CTCF: variants seen among roughly 807,000 people sequenced by gnomAD.
CTCF encodes transcriptional repressor CTCF.
A neutral mutation model predicts 72.3 loss-of-function variants in CTCF; 7 were observed. The ratio of observed to expected loss-of-function variants is 0.10; its 90% confidence interval spans 0.06 to 0.18. CTCF has a LOEUF of 0.18. CTCF is among the 10% of genes least tolerant of loss of function. The probability of loss-of-function intolerance (pLI) is 1.00; values close to 1 mark genes in which losing one functional copy is unlikely to be tolerated. For synonymous variants in CTCF, 374 were observed against 315.8 expected (o/e 1.18, Z -1.95); for missense variants, 516 against 949.1 (o/e 0.54, Z 6.00).
At chr16:67,631,761 G>T (rs999970426) in intron 10 of CTCF, among the ~76,000 whole-genome samples, 4 of 133,622 alleles carry the variant, frequency 3.0e-5, no homozygotes, top group Non-Finnish European at 6.1e-5. Flanking sequence ...TGGGTGTTAA[G>T]TGTATGCCTC....
intron 2 of CTCF, among the ~76,000 whole-genome samples, chr16:67,594,083 G>T (rs1225536702): frequency 6.6e-6 from 1 of 152,100 alleles, no homozygotes; most frequent in Non-Finnish European, 1.5e-5. Context: ...ACCTGTAATT[G>T]TGTTTTTGGG....
chr16:67,601,114 C>T (rs991226787), intron 2 of CTCF, among the ~76,000 whole-genome samples: 6 of 151,916 alleles, frequency 3.9e-5, no homozygotes, highest in African/African-American at 1.5e-4. Context: ...GGGAGAATGA[C>T]CTGGTCCAGC....
chr16:67,621,463 A>T lies in CTCF; in HGVS notation c.1229A>T (p.Tyr410Phe). 1 of 1,606,984 alleles carries T rather than the reference A, an allele frequency of 6.2e-7. No homozygotes were observed. The highest frequency in any genetic ancestry group is 8.5e-7 in the Non-Finnish European group (1 of 1,173,808). The change falls in exon 7 of 12, where the codon TAT (tyrosine) becomes TTT (phenylalanine). Residue 410 changes from tyrosine to phenylalanine, a missense_variant. Tyr to Phe is a conservative substitution (Grantham distance 22). Transcript: ENST00000264010. ...AAAGGGGAAAAGCCTTATGAATGTT[A>T]TATTTGTCATGCTCGGTTTACCCAA... The part of the protein sequence containing the change: ...THSGEKPYEC[Y>F]ICHARFTQSG...
intron 10 of CTCF, among the ~76,000 whole-genome samples, chr16:67,632,810 C>T (rs2142878078): frequency 6.6e-6 from 1 of 152,332 alleles, no homozygotes; most frequent in South Asian, 2.1e-4. Flanking sequence ...ATTTCAGTCA[C>T]TTGAGAAATA....
chr16:67,607,570 T>C (rs900416057), intron 2 of CTCF, among the ~76,000 whole-genome samples: 6 of 151,610 alleles, frequency 4.0e-5, no homozygotes, highest in African/African-American at 1.2e-4. Context: ...CCTCCCAAAG[T>C]GCTGGGATTA....
chr16:67,620,469 C>T (rs1208978682), intron 5 of CTCF, among the ~76,000 whole-genome samples: 1 of 152,096 alleles, frequency 6.6e-6, no homozygotes, highest in East Asian at 1.9e-4. Context: ...CAAGTAATGA[C>T]CAATCTTGGC....
chr16:67,627,498 AAAAG>A (rs2052305837), intron 8 of CTCF: 1 of 150,730 alleles, frequency 6.6e-6, no homozygotes, highest in African/African-American at 2.4e-5. Flanking sequence ...CTCCAAAAGA[AAAAG>A]AAAAAATTAG....
intron 2 of CTCF, among the ~76,000 whole-genome samples, chr16:67,596,752 A>AT (rs1341646541): frequency 6.6e-6 from 1 of 151,480 alleles, no homozygotes; most frequent in Non-Finnish European, 1.5e-5. Context: ...TACCTGGCTA[A>AT]TTTTTTTGTA....
intron 10 of CTCF, among the ~76,000 whole-genome samples, chr16:67,633,781 GACACACACACACACACAC>G (rs10587869): frequency 7.0e-6 from 1 of 143,106 alleles, no homozygotes; most frequent in Non-Finnish European, 1.5e-5. Flanking sequence ...CTTGTCCCCT[GACACACACACACACACAC>G]ACACACACAC....
chr16:67,616,068 TAG>T (rs1056807046), intron 4 of CTCF: 5 of 152,218 alleles, frequency 3.3e-5, no homozygotes, highest in African/African-American at 7.2e-5. Context: ...ACAAGAAATG[TAG>T]AGAGTATATT....
intron 2 of CTCF, among the ~76,000 whole-genome samples, chr16:67,602,786 A>G (rs542800457): frequency 6.6e-6 from 1 of 150,986 alleles, no homozygotes; most frequent in East Asian, 1.9e-4. Context: ...GGTTGTGTTC[A>G]GCCGAGATTG....
intron 2 of CTCF, among the ~76,000 whole-genome samples, chr16:67,603,465 G>A (rs774245263): frequency 1.3e-5 from 2 of 151,426 alleles, no homozygotes. Context: ...CCCGGGAGGC[G>A]GAGCTTGCAG....
chr16:67,595,309 C>G (rs1051672647), intron 2 of CTCF, among the ~76,000 whole-genome samples: 1 of 152,194 alleles, frequency 6.6e-6, no homozygotes, highest in South Asian at 2.1e-4. Flanking sequence ...AGGTACAAAC[C>G]ACCATGTCTG....
At chr16:67,565,714 C>G (rs2051334454) in intron 1 of CTCF, among the ~76,000 whole-genome samples, 1 of 148,250 alleles carries the variant, frequency 6.7e-6, no homozygotes, top group Non-Finnish European at 1.5e-5. Context: ...TAAAGGTTAA[C>G]TTTATCGGGA....
chr16:67,600,718 G>A (rs1171344677), intron 2 of CTCF, among the ~76,000 whole-genome samples: 2 of 152,030 alleles, frequency 1.3e-5, no homozygotes, highest in South Asian at 4.1e-4. Context: ...ATATATAGAA[G>A]TGTATATAAA....
chr16:67,636,432 C>T (rs1214984170), intron 10 of CTCF, among the ~76,000 whole-genome samples: 5 of 148,766 alleles, frequency 3.4e-5, no homozygotes, highest in Non-Finnish European at 5.9e-5. Flanking sequence ...CCTGTAGTCC[C>T]GGCCACTCAG....
intron 2 of CTCF, among the ~76,000 whole-genome samples, chr16:67,582,350 C>T (rs2051594821): frequency 6.6e-6 from 1 of 151,886 alleles, no homozygotes; most frequent in Admixed American, 6.6e-5. Context: ...GACTTTTTGC[C>T]TCTAGTATGT....
In CTCF at chr16:67,629,503, C is replaced by G. The variant is rs775874494; in HGVS notation, c.1807C>G (p.Arg603Gly). The stretch of plus-strand genomic sequence containing the variant: ...TAAACGTGGAAGAAAAAGAAAGATG[C>G]GCTCTAAGAAAGAAGATTCCTCTGA... ...KSKRGRKRKM[R>G]SKKEDSSDSE... Residue 603 changes from arginine (R) to glycine (G), a missense_variant, in exon 10 of 12, where the codon CGC becomes GGC. By Grantham distance (125) the Arg-to-Gly change is moderately radical (BLOSUM62 -2). Around this residue, in one of 7 missense-constraint regions of CTCF, gnomAD observed 157 missense variants for 172.9 expected, o/e 0.91. Coordinates refer to ENST00000264010, the MANE Select transcript of CTCF (RefSeq NM_006565.4). 1 of 1,613,214 alleles carries G rather than the reference C, an allele frequency of 6.2e-7. No individual in the cohort carries two copies. The highest frequency in any genetic ancestry group is 2.2e-5 in the East Asian group (1 of 44,832).
chr16:67,565,403 G>A (rs568343235), intron 1 of CTCF, among the ~76,000 whole-genome samples: 7 of 152,156 alleles, frequency 4.6e-5, no homozygotes, highest in African/African-American at 2.4e-5. Context: ...GGCTGGGAGC[G>A]GTGGCTCACG....
Sources: allele counts gnomAD v4.1 joint callset (sites outside exome capture counted in the v4.1 genomes callset), GRCh38; gene constraint gnomAD v4.1.1; regional missense constraint gnomAD v4.1.1; transcripts MANE v1.5; gene names NCBI Gene and HGNC (gene_info 2026-07-23, HGNC 2026-07-21).